Variants in USP54 observed in about 807,000 individuals in gnomAD.
The protein encoded by USP54 is ubiquitin carboxyl-terminal hydrolase 54.
USP54 carries 87 observed loss-of-function variants against 170.5 expected under a neutral mutation model. The ratio of observed to expected loss-of-function variants is 0.51; its 90% CI spans 0.43 to 0.61. USP54 has a LOEUF of 0.61. Ranked by LOEUF, USP54 falls within the 20% of genes least tolerant of loss-of-function variation. The pLI, the probability that USP54 is intolerant of heterozygous loss-of-function variation, is 0.00. For missense variants in USP54, 1,786 were observed against 2,047.8 expected (o/e 0.87, Z 2.47); for synonymous variants, 655 against 742.8 (o/e 0.88, Z 1.92).
rs1316280480 is a variant in USP54, at chr10:73,498,546, T to C, written c.*83A>G. On this transcript the variant is annotated 3_prime_UTR_variant, in exon 24 of 24. Coordinates refer to ENST00000687698, the MANE Select transcript of USP54 (RefSeq NM_001391956.1). Reference sequence around the variant, plus strand: ...GCCTCAGCCTCCCAAAGTGCTGGGATTACAGGTGTGAGCCACCGCGCCCGG... The same window carrying C: ...GCCTCAGCCTCCCAAAGTGCTGGGACTACAGGTGTGAGCCACCGCGCCCGG... 4 of 1,393,664 alleles carry C rather than the reference T, an allele frequency of 2.9e-6. No homozygotes were observed. The highest frequency in any genetic ancestry group is 3.9e-6 in the Non-Finnish European group (4 of 1,038,708). The allele number at this position is 1,393,664 out of a possible 1,614,324, so 86.3% of individuals were successfully genotyped here. A position where few individuals can be genotyped will look rare whatever the true frequency, so the allele number is the denominator to read the frequency against.
chr10:73,622,432 T>G (rs2081166980), intron 1 of USP54, among the ~76,000 whole-genome samples: 2 of 152,032 alleles, frequency 1.3e-5, no homozygotes, highest in South Asian at 4.1e-4. Flanking sequence ...CAAGCGATTC[T>G]CCTGCCTCAG....
chr10:73,534,909 T>C, intron 11 of USP54, 139 bp from the exon 12 acceptor site: 1 of 716,852 alleles, frequency 1.4e-6, no homozygotes, highest in Non-Finnish European at 2.2e-6. Flanking sequence ...TGCTATACCA[T>C]CAAGCCATTC....
intron 1 of USP54, among the ~76,000 whole-genome samples, chr10:73,615,483 A>G (rs1676749033): frequency 6.6e-6 from 1 of 150,786 alleles, no homozygotes; most frequent in South Asian, 2.1e-4. Context: ...ATAATTGTTT[A>G]TAACACAAAT....
intron 4 of USP54, among the ~76,000 whole-genome samples, chr10:73,551,794 A>G (rs561205601): frequency 1.3e-5 from 2 of 152,344 alleles, no homozygotes; most frequent in South Asian, 2.1e-4. Flanking sequence ...AAACAAACCA[A>G]TAGGAAATTA....
intron 15 of USP54, 66 bp from the exon 16 acceptor site, chr10:73,526,846 A>G: frequency 6.5e-7 from 1 of 1,539,606 alleles, no homozygotes; most frequent in East Asian, 2.3e-5. Flanking sequence ...TCCTAGGACT[A>G]AATCTCTCTC....
In USP54 at chr10:73,498,382, T is replaced by C; in HGVS notation, c.*247A>G. 1 of 240,470 alleles carries C rather than the reference T, an allele frequency of 4.2e-6. No homozygotes were observed. Among genetic ancestry groups the C allele is most frequent in the East Asian group, 8.4e-5 (1 of 11,962 alleles). The allele number at this position is 240,470 out of a possible 1,614,324, so 14.9% of individuals were successfully genotyped here. On this transcript the variant is annotated 3_prime_UTR_variant, in exon 24 of 24. Transcript: ENST00000687698. ...CCTCTGCCTCCCGGGTTCAAGCAAT[T>C]CTCCTGCCTCAGCCTTCCGAGTAGT... is the stretch of plus-strand genomic sequence containing the variant.
intron 1 of USP54, among the ~76,000 whole-genome samples, chr10:73,599,299 CCT>C (rs1383240705): frequency 6.6e-6 from 1 of 152,090 alleles, no homozygotes; most frequent in Admixed American, 6.6e-5. Flanking sequence ...AGAACAATCC[CCT>C]GATCCACAAA....
chr10:73,581,285 C>T (rs1224333040), intron 1 of USP54, among the ~76,000 whole-genome samples: 1 of 152,204 alleles, frequency 6.6e-6, no homozygotes, highest in African/African-American at 2.4e-5. Context: ...GGGATGGAAG[C>T]ATGTCATCTT....
At chr10:73,563,735 C>T (rs560002051) in intron 4 of USP54, among the ~76,000 whole-genome samples, 1 of 152,066 alleles carries the variant, frequency 6.6e-6, no homozygotes, top group Admixed American at 6.5e-5. Flanking sequence ...CCGCACCCAG[C>T]CTTTTATTTA....
chr10:73,509,252 T>C (rs1268051779), intron 20 of USP54, among the ~76,000 whole-genome samples: 1 of 151,484 alleles, frequency 6.6e-6, no homozygotes, highest in African/African-American at 2.4e-5. Context: ...CTAGGTATTA[T>C]ATTAAGAGAT....
At chr10:73,514,379 A>G (rs1278739858) in intron 20 of USP54, among the ~76,000 whole-genome samples, 1 of 151,556 alleles carries the variant, frequency 6.6e-6, no homozygotes, top group African/African-American at 2.4e-5. Flanking sequence ...CCTGGCCAAC[A>G]TGGTGAACCC....
At chr10:73,618,304 T>C (rs73272384) in intron 1 of USP54, among the ~76,000 whole-genome samples, 5 of 150,522 alleles carry the variant, frequency 3.3e-5, no homozygotes, top group Admixed American at 3.3e-4. Context: ...GTAGTCAGAC[T>C]GAGGCTGGAG....
At chr10:73,554,079 CTTGTCT>C (rs567508230) in intron 4 of USP54, among the ~76,000 whole-genome samples, 21 of 152,304 alleles carry the variant, frequency 1.4e-4, no homozygotes, top group African/African-American at 5.1e-4. Flanking sequence ...AAAACAGACT[CTTGTCT>C]TTAAGTGGGG....
At chr10:73,605,512 G>C (rs375712163) in intron 1 of USP54, among the ~76,000 whole-genome samples, 1 of 152,088 alleles carries the variant, frequency 6.6e-6, no homozygotes, top group Non-Finnish European at 1.5e-5. Context: ...GGGCAACAGA[G>C]CAAGACTCTG....
intron 1 of USP54, among the ~76,000 whole-genome samples, chr10:73,582,455 G>A (rs1185241987): frequency 8.6e-5 from 13 of 151,192 alleles, no homozygotes. Context: ...ATGCGATCTT[G>A]GCTCACTGCA....
At chr10:73,544,900 G>A (rs1171026087) in intron 5 of USP54, among the ~76,000 whole-genome samples, 1 of 151,786 alleles carries the variant, frequency 6.6e-6, no homozygotes, top group South Asian at 2.1e-4. Context: ...TTTTAGTAGA[G>A]ATGGGGTTTC....
At chr10:73,545,430 A>G in intron 5 of USP54, 108 bp downstream of exon 5, 5 of 1,394,222 alleles carry the variant, frequency 3.6e-6, no homozygotes, top group African/African-American at 1.4e-5. Context: ...CCTAGTTCTA[A>G]CTGTAGAGAT....
intron 20 of USP54, chr10:73,506,460 G>A (rs965445482): frequency 6.6e-6 from 1 of 152,148 alleles, no homozygotes; most frequent in African/African-American, 2.4e-5. Flanking sequence ...TTCCAAAACT[G>A]TATATGCCCC....
In USP54 at chr10:73,499,146, CT is replaced by C; in HGVS notation, c.4537del (p.Arg1513GlyfsTer15). 6.2e-7 allele frequency: 1 copy of C among 1,613,618 alleles called. No homozygotes were observed. Among genetic ancestry groups the C allele is most frequent in the Non-Finnish European group, 8.5e-7 (1 of 1,179,740 alleles). On this transcript the variant is annotated frameshift_variant, in exon 24 of 24. Coordinates refer to ENST00000687698, the MANE Select transcript of USP54 (RefSeq NM_001391956.1). LOFTEE classifies it high-confidence loss of function. ...SVQQFLAMCD[R>X]GETSQGAKYT... ...CTTGGCCCCTTGGGAAGTTTCACCC[CT>C]GTCACACATAGCCAGAAACTGCTGG...
Sources: allele counts gnomAD v4.1 joint callset (sites outside exome capture counted in the v4.1 genomes callset), GRCh38; gene constraint gnomAD v4.1.1; transcripts MANE v1.5; gene names NCBI Gene and HGNC (gene_info 2026-07-23, HGNC 2026-07-21).